ARHGAP24: variants seen among roughly 807,000 people sequenced by gnomAD.
ARHGAP24 encodes Rho GTPase activating protein 24.
In ARHGAP24, 50 loss-of-function variants were observed where a neutral mutation model predicts 76.4. The observed-to-expected ratio is 0.65, with a 90% confidence interval of 0.52 to 0.83. ARHGAP24 has a LOEUF of 0.83. ARHGAP24 is among the 40% of genes least tolerant of loss of function. The pLI, the probability that ARHGAP24 is intolerant of heterozygous loss-of-function variation, is 0.00. For synonymous variants in ARHGAP24, 345 were observed against 323.3 expected, an observed-to-expected ratio of 1.07 and a Z score of -0.72; for missense variants, 930 against 914.2, an observed-to-expected ratio of 1.02 and a Z score of -0.22.
At chr4:85,691,964 G>A (rs539378095) in intron 2 of ARHGAP24, among the ~76,000 whole-genome samples, 1 of 152,302 alleles carries the variant, frequency 6.6e-6, no homozygotes, top group South Asian at 2.1e-4. Context: ...GGTAGCAGGT[G>A]TTGTTCTATT....
intron 2 of ARHGAP24, among the ~76,000 whole-genome samples, chr4:85,642,072 GAA>G (rs1291728686): frequency 6.6e-6 from 1 of 152,108 alleles, no homozygotes; most frequent in African/African-American, 2.4e-5. Context: ...GACCCTTTCT[GAA>G]ATGGGAGTCT....
intron 1 of ARHGAP24, among the ~76,000 whole-genome samples, chr4:85,505,491 C>T (rs1424975959): frequency 6.6e-6 from 1 of 152,060 alleles, no homozygotes; most frequent in African/African-American, 2.4e-5. Flanking sequence ...TCACTGATAC[C>T]CTTTCTTCCA....
intron 3 of ARHGAP24, among the ~76,000 whole-genome samples, chr4:85,904,679 A>G (rs542271381): frequency 1.8e-4 from 28 of 152,224 alleles, no homozygotes; most frequent in Non-Finnish European, 3.1e-4. Context: ...ATTACCTAAC[A>G]TGGCATTCAG....
At chr4:85,844,517 C>T (rs1186186939) in intron 3 of ARHGAP24, among the ~76,000 whole-genome samples, 1 of 152,246 alleles carries the variant, frequency 6.6e-6, no homozygotes, top group Admixed American at 6.5e-5. Flanking sequence ...AGTAACAATT[C>T]ACACATACAT....
chr4:85,967,765 G>A (rs974975577), intron 5 of ARHGAP24, among the ~76,000 whole-genome samples: 7 of 152,098 alleles, frequency 4.6e-5, no homozygotes, highest in Admixed American at 3.9e-4. Flanking sequence ...CTTTACGTTA[G>A]CAAATAGTTT....
rs560228780 is a variant in ARHGAP24 at position 85,840,430 on chromosome 4, G to A, written c.269-83218G>A. On this transcript the variant is annotated intron_variant, in intron 3 of 9. Transcript: ENST00000395184. ...AGATAAGCTTCAGGGTGCACACTGC[G>A]CCCAGGAGCCACAGAAGGTCTGATG... 1.4e-4 allele frequency among the ~76,000 whole-genome samples: 21 copies of A among 152,274 alleles called. 1 individual carries two copies. In the South Asian group the frequency reaches 3.9e-3, roughly 29 times the overall value.
At chr4:85,745,766 A>G (rs915631943) in intron 3 of ARHGAP24, among the ~76,000 whole-genome samples, 1 of 152,206 alleles carries the variant, frequency 6.6e-6, no homozygotes, top group African/African-American at 2.4e-5. Flanking sequence ...AATACATAGA[A>G]GAATGTTCTT....
Position 85,675,696 on chromosome 4 carries a change from C to T in ARHGAP24, c.181-46189C>T, listed in dbSNP as rs1049719983. ...TCATTCCAACCATGTAAGGGCTTGG[C>T]GGTGACTGAAGTGTGCGCTTTGCTT... is the stretch of plus-strand genomic sequence containing the variant. On this transcript the variant is annotated intron_variant, in intron 2 of 9. Coordinates refer to ENST00000395184, the MANE Select transcript of ARHGAP24 (RefSeq NM_001025616.3). Among the ~76,000 whole-genome samples, 4 of 152,186 alleles carry T rather than the reference C, an allele frequency of 2.6e-5. No individual in the cohort carries two copies. In the East Asian group the frequency reaches 5.8e-4, roughly 22 times the overall value.
chr4:85,871,948 ATAAC>A (rs1214056589), intron 3 of ARHGAP24, among the ~76,000 whole-genome samples: 1 of 152,024 alleles, frequency 6.6e-6, no homozygotes, highest in Non-Finnish European at 1.5e-5. Context: ...TTTAAAAAGA[ATAAC>A]TATTGCCAAT....
intron 3 of ARHGAP24, among the ~76,000 whole-genome samples, chr4:85,794,662 C>G (rs1170056656): frequency 6.6e-6 from 1 of 152,038 alleles, no homozygotes; most frequent in Non-Finnish European, 1.5e-5. Context: ...TTTGTATTTT[C>G]AGTAGAGACA....
chr4:85,919,489 T>A (rs1259960712), intron 3 of ARHGAP24, among the ~76,000 whole-genome samples: 2 of 152,112 alleles, frequency 1.3e-5, no homozygotes, highest in Non-Finnish European at 2.9e-5. Flanking sequence ...ACACAAAGAA[T>A]CATACAAAAA....
intron 8 of ARHGAP24, among the ~76,000 whole-genome samples, chr4:85,979,961 A>G (rs1431055067): frequency 6.6e-6 from 1 of 152,176 alleles, no homozygotes; most frequent in East Asian, 1.9e-4. Flanking sequence ...TGGCCAGTGG[A>G]AGCATCTTCA....
intron 1 of ARHGAP24, 135 bp from the exon 2 acceptor site, chr4:85,570,386 CT>C (rs1177876596): frequency 1.5e-4 from 5 of 33,872 alleles, no homozygotes; most frequent in South Asian, 4.6e-4. Flanking sequence ...TTCTTTCTTT[CT>C]TTCTTTCTTT....
At chr4:85,788,942 G>T (rs1727986895) in intron 3 of ARHGAP24, among the ~76,000 whole-genome samples, 1 of 152,032 alleles carries the variant, frequency 6.6e-6, no homozygotes, top group African/African-American at 2.4e-5. Context: ...ATACATATTT[G>T]GCCTTTGTTC....
At chr4:85,787,519 T>A (rs1363482648) in intron 3 of ARHGAP24, among the ~76,000 whole-genome samples, 1 of 152,040 alleles carries the variant, frequency 6.6e-6, no homozygotes, top group Non-Finnish European at 1.5e-5. Context: ...AAGGGATAAT[T>A]CAAAAAAAAG....
chr4:85,931,734 T>C (rs1215706877), intron 4 of ARHGAP24, among the ~76,000 whole-genome samples: 1 of 152,152 alleles, frequency 6.6e-6, no homozygotes, highest in Admixed American at 6.5e-5. Flanking sequence ...GAATACAAAA[T>C]AGGTAAACTA....
intron 3 of ARHGAP24, among the ~76,000 whole-genome samples, chr4:85,853,480 T>C: frequency 6.6e-6 from 1 of 152,128 alleles, no homozygotes; most frequent in South Asian, 2.1e-4. Context: ...CTGTGGGGTG[T>C]ACCCACTGTC....
chr4:85,552,839 A>G (rs1726195496), intron 1 of ARHGAP24, among the ~76,000 whole-genome samples: 1 of 152,040 alleles, frequency 6.6e-6, no homozygotes. Context: ...TAGGATAGCA[A>G]CCGCTGCTTG....
chr4:85,889,268 A>G (rs573591904), intron 3 of ARHGAP24, among the ~76,000 whole-genome samples: 1 of 152,332 alleles, frequency 6.6e-6, no homozygotes, highest in East Asian at 1.9e-4. Flanking sequence ...TGCTGAGAAA[A>G]TGTTTACATT....
Sources: gnomAD v4.1 joint callset for allele counts (sites outside exome capture counted in the v4.1 genomes callset) on GRCh38, gnomAD v4.1.1 for gene constraint, MANE v1.5 for transcripts, NCBI Gene and HGNC (gene_info 2026-07-23, HGNC 2026-07-21) for gene names.